The following ITGA8 variants were observed in gnomAD, a reference collection of about 807,000 sequenced individuals.
ITGA8 encodes integrin subunit alpha 8.
In ITGA8, 91 loss-of-function variants were observed where a neutral mutation model predicts 142.3. That is an observed-to-expected ratio of 0.64 (90% confidence interval 0.54 to 0.76). The LOEUF is 0.76. Ranked by LOEUF, ITGA8 falls within the 30% of genes least tolerant of loss-of-function variation. The pLI, the probability that ITGA8 is intolerant of heterozygous loss-of-function variation, is 0.00. For missense variants in ITGA8, 1,406 were observed against 1,327.7 expected (o/e 1.06, Z -0.92); for synonymous variants, 505 against 485.2 (o/e 1.04, Z -0.54).
chr10:15,641,881 C>G (rs1833878261), intron 13 of ITGA8, among the ~76,000 whole-genome samples: 1 of 152,070 alleles, frequency 6.6e-6, no homozygotes, highest in South Asian at 2.1e-4. Context: ...TGTAATCCCA[C>G]CACTTTGGGA....
intron 27 of ITGA8, among the ~76,000 whole-genome samples, chr10:15,546,132 C>T (rs918630289): frequency 6.6e-6 from 1 of 152,200 alleles, no homozygotes; most frequent in African/African-American, 2.4e-5. Flanking sequence ...TAGGCCTCTC[C>T]TGTGCCCATC....
intron 25 of ITGA8, among the ~76,000 whole-genome samples, chr10:15,567,832 C>T (rs1329820625): frequency 6.6e-6 from 1 of 152,186 alleles, no homozygotes; most frequent in East Asian, 1.9e-4. Flanking sequence ...TTGATTCCAC[C>T]TTCCCTCACG....
chr10:15,687,643 G>A (rs1011000479), intron 3 of ITGA8, among the ~76,000 whole-genome samples: 1 of 152,048 alleles, frequency 6.6e-6, no homozygotes, highest in Non-Finnish European at 1.5e-5. Context: ...TCAGTCTTAA[G>A]CACTATAATA....
At chr10:15,574,363 T>A (rs1019428308) in intron 24 of ITGA8, among the ~76,000 whole-genome samples, 3 of 152,254 alleles carry the variant, frequency 2.0e-5, no homozygotes, top group African/African-American at 2.4e-5. Flanking sequence ...TTTATCTATG[T>A]ACCATCTACC....
rs1168510743 is a variant in ITGA8, at chr10:15,645,092, CAAAAA to C, written c.1208-876_1208-872del. On this transcript the variant is annotated intron_variant, in intron 12 of 29. Coordinates refer to ENST00000378076, the MANE Select transcript of ITGA8 (RefSeq NM_003638.3). Reference sequence around the variant, plus strand: ...CTAGCCTGGGTGACAGACTCTGTCTCAAAAAAAAAAAAAAAAAAAAAAAAAGATGA... The same window carrying C: ...CTAGCCTGGGTGACAGACTCTGTCTCAAAAAAAAAAAAAAAAAAAAGATGA... Among the ~76,000 whole-genome samples, 7 of 46,804 alleles carry C rather than the reference CAAAAA, an allele frequency of 1.5e-4. No homozygotes were observed. In the East Asian group the frequency reaches 5.1e-3, roughly 34 times the overall value. The allele number at this position is 46,804 out of a possible 152,430, so 30.7% of individuals were successfully genotyped here.
At chr10:15,555,819 C>T (rs1486035917) in intron 26 of ITGA8, among the ~76,000 whole-genome samples, 1 of 151,700 alleles carries the variant, frequency 6.6e-6, no homozygotes, top group Non-Finnish European at 1.5e-5. Context: ...CCTCAGCCTC[C>T]CGAGGAGCTG....
chr10:15,517,349 G>T (rs1275377593), intron 29 of ITGA8, 105 bp from the exon 30 acceptor site: 6 of 655,442 alleles, frequency 9.2e-6, no homozygotes, highest in Non-Finnish European at 1.3e-5. Flanking sequence ...TTTAAACTGA[G>T]TCTCGCTCTC....
chr10:15,680,797 A>G (rs1167644829), intron 4 of ITGA8, among the ~76,000 whole-genome samples: 1 of 151,898 alleles, frequency 6.6e-6, no homozygotes, highest in Non-Finnish European at 1.5e-5. Context: ...TACAAAATAC[A>G]CTGAGAAAAT....
intron 13 of ITGA8, among the ~76,000 whole-genome samples, chr10:15,621,169 CTTTT>C (rs11417286): frequency 7.0e-6 from 1 of 142,752 alleles, no homozygotes. Context: ...CTTAAGCTGG[CTTTT>C]TTTTTTTTTC....
At chr10:15,689,319 T>C (rs1277253555) in intron 2 of ITGA8, among the ~76,000 whole-genome samples, 1 of 152,110 alleles carries the variant, frequency 6.6e-6, no homozygotes, top group Non-Finnish European at 1.5e-5. Flanking sequence ...CTTAAGGAGA[T>C]CGCTGGAGAA....
Position 15,673,154 on chromosome 10 carries a change from G to C in ITGA8, c.677-405C>G, listed in dbSNP as rs182630224. ...GCTGGAGTGCAATGGTGCAGTCTCA[G>C]CTCACTGCAACCTCTGTCTCCCGGG... On this transcript the variant is annotated intron_variant, in intron 6 of 29. Transcript: ENST00000378076. 4.6e-5 allele frequency among the ~76,000 whole-genome samples: 7 copies of C among 152,264 alleles called. No homozygotes were observed. In the East Asian group the frequency reaches 1.3e-3, roughly 29 times the overall value.
intron 13 of ITGA8, among the ~76,000 whole-genome samples, chr10:15,635,300 C>T (rs551575288): frequency 6.6e-5 from 10 of 152,220 alleles, no homozygotes; most frequent in African/African-American, 1.4e-4. Flanking sequence ...CCACTGCGCC[C>T]GGCCTTCACT....
chr10:15,556,626 T>C (rs1833894025), intron 26 of ITGA8, among the ~76,000 whole-genome samples: 1 of 152,190 alleles, frequency 6.6e-6, no homozygotes. Flanking sequence ...GATATTTTGA[T>C]ATGGGCATAC....
intron 8 of ITGA8, among the ~76,000 whole-genome samples, chr10:15,668,819 C>A (rs553208964): frequency 6.6e-6 from 1 of 152,296 alleles, no homozygotes; most frequent in African/African-American, 2.4e-5. Flanking sequence ...GTTGAAAATT[C>A]TTTTCTTTAA....
chr10:15,709,355 A>G (rs1195859078), intron 2 of ITGA8, among the ~76,000 whole-genome samples: 1 of 152,256 alleles, frequency 6.6e-6, no homozygotes, highest in Admixed American at 6.5e-5. Context: ...GTAAACAGAC[A>G]CACCTTTACA....
At chr10:15,624,092 C>A (rs938665239) in intron 13 of ITGA8, among the ~76,000 whole-genome samples, 2 of 152,092 alleles carry the variant, frequency 1.3e-5, no homozygotes, top group African/African-American at 4.8e-5. Flanking sequence ...CTTAGGGAAC[C>A]CTGAGGTTTT....
intron 22 of ITGA8, among the ~76,000 whole-genome samples, chr10:15,590,933 A>G (rs1832910633): frequency 1.3e-5 from 2 of 152,222 alleles, no homozygotes; most frequent in Non-Finnish European, 2.9e-5. Context: ...CTTCCTCTCT[A>G]GAAATCTATA....
chr10:15,579,856 T>C (rs528985686), intron 23 of ITGA8, among the ~76,000 whole-genome samples: 1 of 151,996 alleles, frequency 6.6e-6, no homozygotes, highest in African/African-American at 2.4e-5. Flanking sequence ...ACCCAACTTA[T>C]AAACATTTCG....
At chr10:15,663,157 C>T (rs1302731222) in intron 8 of ITGA8, among the ~76,000 whole-genome samples, 1 of 152,128 alleles carries the variant, frequency 6.6e-6, no homozygotes, top group Non-Finnish European at 1.5e-5. Context: ...TTCTCATTCC[C>T]TGTTGTCTAA....
Sources: gnomAD v4.1 joint callset for allele counts (sites outside exome capture counted in the v4.1 genomes callset) on GRCh38, gnomAD v4.1.1 for gene constraint, MANE v1.5 for transcripts, NCBI Gene and HGNC (gene_info 2026-07-23, HGNC 2026-07-21) for gene names.